The following MYRIP variants were observed in gnomAD, a reference collection of about 807,000 sequenced individuals.
MYRIP encodes the protein myosin VIIA and Rab interacting protein, also known as rab effector MyRIP.
Under a neutral mutation model 98.0 loss-of-function variants are expected in MYRIP, and 49 were observed. The ratio of observed to expected loss-of-function variants is 0.50; its 90% CI spans 0.40 to 0.63. MYRIP has a LOEUF of 0.63. Ranked by LOEUF, MYRIP falls within the 30% of genes least tolerant of loss-of-function variation. MYRIP has a pLI of 0.00. For synonymous variants in MYRIP, 404 were observed against 409.5 expected (o/e 0.99, Z 0.16); for missense variants, 1,004 against 1,058.2 (o/e 0.95, Z 0.71).
At chr3:40,202,521 TTC>T (rs1387598917) in intron 10 of MYRIP, among the ~76,000 whole-genome samples, 1 of 152,168 alleles carries the variant, frequency 6.6e-6, no homozygotes, top group Non-Finnish European at 1.5e-5. Flanking sequence ...AAAAATTATC[TTC>T]TCACTCCTTT....
intron 1 of MYRIP, among the ~76,000 whole-genome samples, chr3:39,842,851 C>A (rs1034053262): frequency 6.6e-6 from 1 of 152,232 alleles, no homozygotes; most frequent in African/African-American, 2.4e-5. Context: ...GCAGAATTCA[C>A]CTGCTTTCTG....
intron 4 of MYRIP, among the ~76,000 whole-genome samples, chr3:40,159,813 A>G (rs1950338964): frequency 6.6e-6 from 1 of 151,736 alleles, no homozygotes; most frequent in Admixed American, 6.6e-5. Flanking sequence ...TGCATTCTTC[A>G]CGTAGTTCTC....
intron 3 of MYRIP, among the ~76,000 whole-genome samples, chr3:40,107,848 G>A (rs894638159): frequency 1.3e-5 from 2 of 152,206 alleles, no homozygotes; most frequent in South Asian, 2.1e-4. Context: ...GTAATGGGAG[G>A]TGAGTCTGAG....
At chr3:40,206,804 A>C (rs1951802959) in intron 10 of MYRIP, among the ~76,000 whole-genome samples, 1 of 152,194 alleles carries the variant, frequency 6.6e-6, no homozygotes, top group African/African-American at 2.4e-5. Flanking sequence ...AATCACAGCA[A>C]TTCTTCATAA....
At chr3:40,119,789 A>G (rs1949360988) in intron 3 of MYRIP, among the ~76,000 whole-genome samples, 1 of 152,078 alleles carries the variant, frequency 6.6e-6, no homozygotes, top group Non-Finnish European at 1.5e-5. Context: ...GCAGGGAGGG[A>G]TAGCATTAGG....
At chr3:40,179,008 T>TA (rs1950829055) in intron 8 of MYRIP, among the ~76,000 whole-genome samples, 1 of 152,090 alleles carries the variant, frequency 6.6e-6, no homozygotes, top group Non-Finnish European at 1.5e-5. Context: ...CTAGAATAAG[T>TA]AAGACAAGCA....
chr3:39,941,257 G>A (rs1481941003), intron 2 of MYRIP, among the ~76,000 whole-genome samples: 1 of 152,108 alleles, frequency 6.6e-6, no homozygotes, highest in African/African-American at 2.4e-5. Context: ...GTGAGTGAGA[G>A]AGGGAGATGT....
At chr3:40,060,365 G>A (rs1380259947) in intron 3 of MYRIP, among the ~76,000 whole-genome samples, 1 of 152,048 alleles carries the variant, frequency 6.6e-6, no homozygotes, top group African/African-American at 2.4e-5. Context: ...TGAACCAAGA[G>A]AGTTCTGCCA....
intron 13 of MYRIP, among the ~76,000 whole-genome samples, chr3:40,247,007 A>G (rs1339011306): frequency 6.6e-6 from 1 of 152,188 alleles, no homozygotes; most frequent in African/African-American, 2.4e-5. Context: ...CCAAGACTTA[A>G]TCAATTTATT....
At chr3:40,032,652 A>G (rs1040997487) in intron 2 of MYRIP, among the ~76,000 whole-genome samples, 12 of 152,024 alleles carry the variant, frequency 7.9e-5, no homozygotes, top group African/African-American at 2.9e-4. Context: ...ACAAGGAGGA[A>G]CTGGTACCAT....
intron 10 of MYRIP, among the ~76,000 whole-genome samples, chr3:40,196,893 A>T (rs979118201): frequency 6.6e-6 from 1 of 152,092 alleles, no homozygotes; most frequent in Non-Finnish European, 1.5e-5. Context: ...TACATCTGTC[A>T]TCTCACTCTC....
At chr3:40,160,818 C>T (rs928000114) in intron 4 of MYRIP, among the ~76,000 whole-genome samples, 2 of 152,196 alleles carry the variant, frequency 1.3e-5, no homozygotes, top group African/African-American at 4.8e-5. Context: ...CTCCCTGGCC[C>T]CTTGCGCTTC....
rs111545259 is a variant in MYRIP, at chr3:39,872,307, T to A, written c.-30-28480T>A. ...AGATCATTGTCTCTTACTGTATTTA[T>A]GTCAAATGGAAAAAATGTAAATATT... On this transcript the variant is annotated intron_variant, in intron 1 of 16. Transcript: ENST00000302541. Among the ~76,000 whole-genome samples the A allele has an allele frequency of 7.2e-5, 11 of 151,858 alleles. 1 individual carries two copies. The highest frequency in any genetic ancestry group is 2.4e-4 in the African/African-American group (10 of 41,468).
At chr3:40,213,836 G>T (rs995149961) in intron 11 of MYRIP, among the ~76,000 whole-genome samples, 1 of 152,120 alleles carries the variant, frequency 6.6e-6, no homozygotes, top group Admixed American at 6.6e-5. Flanking sequence ...CCAGGAGCGG[G>T]AGTGAGGCAC....
In MYRIP at chr3:40,111,756, GA is replaced by G. The variant is rs574938289; in HGVS notation, c.333-39282del. On this transcript the variant is annotated intron_variant, in intron 3 of 16. Coordinates refer to ENST00000302541, the MANE Select transcript of MYRIP (RefSeq NM_015460.4). ...TAGATTTCATATAAAGAACGTTTGG[GA>G]AAAAAAAAAGTTACCCAATTATTTG... Among the ~76,000 whole-genome samples the G allele has an allele frequency of 3.8e-4, 57 of 148,750 alleles. No individual in the cohort carries two copies. The South Asian group carries it at 8.5e-3, about 22-fold the overall frequency.
chr3:39,873,545 C>T, intron 1 of MYRIP, among the ~76,000 whole-genome samples: 1 of 152,174 alleles, frequency 6.6e-6, no homozygotes, highest in Non-Finnish European at 1.5e-5. Flanking sequence ...CCAGTTTCAG[C>T]TTTCTACATA....
intron 1 of MYRIP, among the ~76,000 whole-genome samples, chr3:39,850,365 G>GA (rs533490275): frequency 8.7e-4 from 132 of 152,304 alleles, no homozygotes; most frequent in Non-Finnish European, 1.4e-3. Flanking sequence ...TTCTAAAAGT[G>GA]AAAATGTGAA....
At chr3:40,062,017 G>A (rs1439821915) in intron 3 of MYRIP, among the ~76,000 whole-genome samples, 1 of 152,162 alleles carries the variant, frequency 6.6e-6, no homozygotes, top group African/African-American at 2.4e-5. Context: ...CTGATGCGTA[G>A]TTTGTAAAAA....
Position 40,259,898 on chromosome 3 carries a change from T to C in MYRIP, c.*1732T>C, listed in dbSNP as rs1953713138. Reference sequence around the variant, plus strand: ...TAAGAGGCATGAAAAGCAACTATTGTTGTGTTACAGTGTTAAAAATATTCA... The same window carrying C: ...TAAGAGGCATGAAAAGCAACTATTGCTGTGTTACAGTGTTAAAAATATTCA... On this transcript the variant is annotated 3_prime_UTR_variant, in exon 17 of 17. Transcript: ENST00000302541. The C allele has an allele frequency of 6.5e-6, 1 of 152,672 alleles. No homozygotes were observed. The highest frequency in any genetic ancestry group is 2.4e-5 in the African/African-American group (1 of 41,468). 9.5% of individuals were successfully genotyped at this position (152,672 alleles called of 1,614,324 possible).
Sources: gnomAD v4.1 joint callset for allele counts (sites outside exome capture counted in the v4.1 genomes callset) on GRCh38, gnomAD v4.1.1 for gene constraint, MANE v1.5 for transcripts, NCBI Gene and HGNC (gene_info 2026-07-23, HGNC 2026-07-21) for gene names.